Variants in SLC39A8 observed in about 807,000 individuals in gnomAD.
SLC39A8 encodes solute carrier family 39 member 8.
In SLC39A8, 15 loss-of-function variants were observed where a neutral mutation model predicts 40.4. The observed-to-expected ratio is 0.37, with a 90% CI of 0.25 to 0.57. The LOEUF (loss-of-function observed/expected upper bound fraction) is 0.57. SLC39A8 is among the 20% of genes least tolerant of loss of function. SLC39A8 has a pLI of 0.75. For synonymous variants in SLC39A8, 223 were observed against 221.6 expected (o/e 1.01, Z -0.06); for missense variants, 472 against 558.8 (o/e 0.84, Z 1.57).
chr4:102,257,695 C>T (rs764958412), downstream of SLC39A8, among the ~76,000 whole-genome samples: 2 of 152,156 alleles, frequency 1.3e-5, no homozygotes, highest in African/African-American at 2.4e-5. Context: ...GTCTATGTCC[C>T]CAACATTGCA....
chr4:102,330,631 C>T (rs1369257080), intron 2 of SLC39A8, among the ~76,000 whole-genome samples: 1 of 152,076 alleles, frequency 6.6e-6, no homozygotes, highest in Non-Finnish European at 1.5e-5. Flanking sequence ...CTGATACTAT[C>T]CCAAACAGTA....
Position 102,307,484 on chromosome 4 carries a change from C to A in SLC39A8, c.504G>T (p.Leu168=), listed in dbSNP as rs2149035174. Residue 168 remains leucine (L), a synonymous_variant, in exon 4 of 9, where the codon CTG becomes CTT. Coordinates refer to ENST00000356736, the MANE Select transcript of SLC39A8 (RefSeq NM_001135146.2). The part of the protein sequence containing the change: ...FPKILTFFVG[L]AIGTLFSNAI... ...CATTTGAAAAAAGAGTCCCAATAGC[C>A]AGCCCCACAAAAAAGGTCAAAATCT... 1 of 1,613,430 alleles carries A rather than the reference C, an allele frequency of 6.2e-7. No homozygotes were observed. The highest frequency in any genetic ancestry group is 8.5e-7 in the Non-Finnish European group (1 of 1,179,612).
chr4:102,338,045 C>G (rs1385508116), intron 2 of SLC39A8, among the ~76,000 whole-genome samples: 1 of 152,136 alleles, frequency 6.6e-6, no homozygotes, highest in Non-Finnish European at 1.5e-5. Flanking sequence ...AAATCCCTCA[C>G]CTTTCTAAAC....
intron 6 of SLC39A8, among the ~76,000 whole-genome samples, chr4:102,293,073 A>C (rs1228827785): frequency 1.3e-5 from 2 of 152,050 alleles, no homozygotes; most frequent in African/African-American, 4.8e-5. Context: ...TTCAAAAATG[A>C]CACAAATTTT....
At chr4:102,278,755 A>G (rs1185176498) in intron 6 of SLC39A8, among the ~76,000 whole-genome samples, 2 of 152,214 alleles carry the variant, frequency 1.3e-5, no homozygotes, top group East Asian at 3.9e-4. Flanking sequence ...CCCATCAATG[A>G]TAGAATGGAT....
At chr4:102,299,531 A>G (rs1203998380) in intron 6 of SLC39A8, among the ~76,000 whole-genome samples, 2 of 151,984 alleles carry the variant, frequency 1.3e-5, no homozygotes, top group East Asian at 3.9e-4. Context: ...TGTTGAATGA[A>G]TTATGTGTAT....
chr4:102,332,649 T>A (rs2149052232), intron 2 of SLC39A8, among the ~76,000 whole-genome samples: 1 of 152,230 alleles, frequency 6.6e-6, no homozygotes, highest in Non-Finnish European at 1.5e-5. Context: ...ATTGATGGTT[T>A]GCAGTCCCAT....
At chr4:102,263,221 C>T (rs751986046) in intron 8 of SLC39A8, 28 bp from the exon 9 acceptor site, 5 of 1,602,230 alleles carry the variant, frequency 3.1e-6, no homozygotes, top group African/African-American at 2.7e-5. Flanking sequence ...TGTTAGATAA[C>T]TGTTGCCATC....
At chr4:102,295,312 G>T (rs1733635597) in intron 6 of SLC39A8, among the ~76,000 whole-genome samples, 1 of 151,574 alleles carries the variant, frequency 6.6e-6, no homozygotes, top group African/African-American at 2.4e-5. Context: ...CATTCCAAAG[G>T]ATTAAAATTA....
At chr4:102,301,013 T>C (rs2149030868) in intron 6 of SLC39A8, among the ~76,000 whole-genome samples, 1 of 152,086 alleles carries the variant, frequency 6.6e-6, no homozygotes, top group African/African-American at 2.4e-5. Context: ...GAGAAAATAG[T>C]CCCCATAAGA....
At chr4:102,287,382 A>G (rs1226094453) in intron 6 of SLC39A8, among the ~76,000 whole-genome samples, 1 of 152,176 alleles carries the variant, frequency 6.6e-6, no homozygotes, top group Admixed American at 6.6e-5. Context: ...TTTAAAAACA[A>G]TGACTGGAAG....
intron 2 of SLC39A8, among the ~76,000 whole-genome samples, chr4:102,329,699 C>T (rs1053968488): frequency 6.6e-6 from 1 of 150,772 alleles, no homozygotes; most frequent in Non-Finnish European, 1.5e-5. Context: ...ATTTACAGAA[C>T]TCTCCACCCC....
chr4:102,299,840 A>T (rs1207190387), intron 6 of SLC39A8, among the ~76,000 whole-genome samples: 1 of 152,040 alleles, frequency 6.6e-6, no homozygotes, highest in Non-Finnish European at 1.5e-5. Context: ...GGCCTTGAAG[A>T]GCTGACACCC....
intron 6 of SLC39A8, among the ~76,000 whole-genome samples, chr4:102,276,395 G>T (rs1467971641): frequency 6.6e-6 from 1 of 152,126 alleles, no homozygotes; most frequent in Non-Finnish European, 1.5e-5. Flanking sequence ...ACAAGAAATG[G>T]ATAAATTCCT....
At chr4:102,256,510 G>A (rs1013674396) in intron 11 of SLC39A8, among the ~76,000 whole-genome samples, 3 of 152,098 alleles carry the variant, frequency 2.0e-5, no homozygotes, top group Admixed American at 1.3e-4. Flanking sequence ...AATGTGATAA[G>A]TCCACTTATA....
At chr4:102,331,035 A>G (rs2149051244) in intron 2 of SLC39A8, among the ~76,000 whole-genome samples, 1 of 152,348 alleles carries the variant, frequency 6.6e-6, no homozygotes, top group East Asian at 1.9e-4. Flanking sequence ...CAAAATAATA[A>G]GAGCTGCTTA....
intron 4 of SLC39A8, among the ~76,000 whole-genome samples, chr4:102,305,615 G>C (rs1734135493): frequency 6.6e-6 from 1 of 151,922 alleles, no homozygotes; most frequent in Non-Finnish European, 1.5e-5. Flanking sequence ...CTACAGAACT[G>C]TGATAAATCC....
chr4:102,304,204 G>A, intron 6 of SLC39A8, 113 bp downstream of exon 6: 1 of 706,186 alleles, frequency 1.4e-6, no homozygotes, highest in Non-Finnish European at 2.3e-6. Context: ...ACATATATAG[G>A]AATAAGTCTG....
intron 8 of SLC39A8, among the ~76,000 whole-genome samples, chr4:102,265,926 T>C (rs1049818718): frequency 2.0e-5 from 3 of 152,220 alleles, no homozygotes; most frequent in Admixed American, 2.0e-4. Context: ...TACCATCACC[T>C]GTACCAGAAC....
Sources: allele counts gnomAD v4.1 joint callset (sites outside exome capture counted in the v4.1 genomes callset), GRCh38; gene constraint gnomAD v4.1.1; transcripts MANE v1.5; gene names NCBI Gene and HGNC (gene_info 2026-07-23, HGNC 2026-07-21).